Variants in ZFR2 observed in about 807,000 individuals in gnomAD.
ZFR2 encodes zinc finger RNA binding protein 2.
Under a neutral mutation model 105.7 loss-of-function variants are expected in ZFR2, and 104 were observed. The observed-to-expected ratio is 0.98, with a 90% CI of 0.84 to 1.16. ZFR2 has a LOEUF of 1.16. Among genes scored for constraint, ZFR2 ranks in the 50% most tolerant of loss-of-function variants. ZFR2 has a pLI of 0.00. For synonymous variants in ZFR2, 634 were observed against 597.7 expected, an observed-to-expected ratio of 1.06 and a Z score of -0.89; for missense variants, 1,425 against 1,355.5, an observed-to-expected ratio of 1.05 and a Z score of -0.80.
In ZFR2 at chr19:3,852,665, T is replaced by A. The variant is rs1038918899; in HGVS notation, c.53+16300A>T. ...GGAAGGGCATGGATATAAGGGTGGA[T>A]GAAGGATGAAGGCATTTTGGCAACA... On this transcript the variant is annotated intron_variant, in intron 1 of 18. Coordinates refer to ENST00000262961, the MANE Select transcript of ZFR2 (RefSeq NM_015174.2). 8.8e-6 allele frequency: 6 copies of A among 685,152 alleles called. No individual in the cohort carries two copies. In the African/African-American group the frequency reaches 1.1e-4, roughly 12 times the overall value. 42.4% of individuals were successfully genotyped at this position (685,152 alleles called of 1,614,324 possible).
At chr19:3,812,487 A>G (rs1317468727) in intron 14 of ZFR2, among the ~76,000 whole-genome samples, 1 of 152,080 alleles carries the variant, frequency 6.6e-6, no homozygotes, top group Non-Finnish European at 1.5e-5. Context: ...GGGGCGGCTC[A>G]CGGGGCTCTT....
intron 3 of ZFR2, 108 bp downstream of exon 3, chr19:3,833,556 A>C: frequency 1.1e-6 from 1 of 876,408 alleles, no homozygotes; most frequent in Non-Finnish European, 1.7e-6. Flanking sequence ...AGCCTGGGCA[A>C]CAGAGCGAGA....
chr19:3,836,660 C>T (rs929312297), intron 1 of ZFR2, among the ~76,000 whole-genome samples: 7 of 152,130 alleles, frequency 4.6e-5, no homozygotes, highest in South Asian at 2.1e-4. Context: ...TGCACAGTGC[C>T]GAGGCCTTTG....
In ZFR2 at chr19:3,834,702, G is replaced by C; in HGVS notation, c.264+71C>G. ...CTGGGAGAAGGAGTAGCTGTGGGAAGCCCACCGCTCTCACCCATGCAAGGC... is the reference window on the plus strand; with the variant it reads ...CTGGGAGAAGGAGTAGCTGTGGGAACCCCACCGCTCTCACCCATGCAAGGC... On this transcript the variant is annotated intron_variant, in intron 2 of 18. Transcript: ENST00000262961. The surrounding 1 kb of genome is among the most constrained non-coding windows in gnomAD (Gnocchi z 5.3). The C allele has an allele frequency of 6.8e-7, 1 of 1,466,846 alleles. No homozygotes were observed. Among genetic ancestry groups the C allele is most frequent in the East Asian group, 2.3e-5 (1 of 42,586 alleles). The allele number at this position is 1,466,846 out of a possible 1,614,324, so 90.9% of individuals were successfully genotyped here.
rs2037911896 is a variant in ZFR2 at position 3,823,030 on chromosome 19, G to A, written c.1371+216C>T. Among the ~76,000 whole-genome samples the A allele has an allele frequency of 6.6e-6, 1 of 152,210 alleles. No homozygotes were observed. The highest frequency in any genetic ancestry group is 6.5e-5 in the Admixed American group (1 of 15,280). On this transcript the variant is annotated intron_variant, in intron 8 of 18. Coordinates refer to ENST00000262961, the MANE Select transcript of ZFR2 (RefSeq NM_015174.2). This position sits in a 1 kb window ranked among gnomAD's most constrained non-coding sequence, Gnocchi z 5.4. ...CTCGGCCTGTCTCTGGCCCTCACGGGGCCATATTCATTTCCTGCTGATACC... is the reference window on the plus strand; with the variant it reads ...CTCGGCCTGTCTCTGGCCCTCACGGAGCCATATTCATTTCCTGCTGATACC...
At chr19:3,847,360 C>T (rs1049572805) in intron 1 of ZFR2, among the ~76,000 whole-genome samples, 11 of 151,968 alleles carry the variant, frequency 7.2e-5, no homozygotes, top group African/African-American at 2.7e-4. Context: ...CCCATCTCTA[C>T]TAAAAACACA....
chr19:3,868,988 C>G lies in ZFR2; in HGVS notation c.30G>C (p.Ala10=). Residue 10 remains alanine, a synonymous_variant, in exon 1 of 19, where the codon GCG becomes GCC. Transcript: ENST00000262961. MATSQYFDF[A]QGGGPQYSAQ... ...ACCTGTACTGCGGGCCGCCGCCCTG[C>G]GCGAAGTCGAAATACTGACTCGTCG... 7.3e-7 allele frequency: 1 copy of G among 1,377,476 alleles called. No homozygotes were observed. Among genetic ancestry groups the G allele is most frequent in the South Asian group, 1.7e-5 (1 of 57,514 alleles). The allele number at this position is 1,377,476 out of a possible 1,614,324, so 85.3% of individuals were successfully genotyped here.
chr19:3,864,407 AAC>A (rs918810920), intron 1 of ZFR2, among the ~76,000 whole-genome samples: 3 of 148,806 alleles, frequency 2.0e-5, no homozygotes, highest in East Asian at 2.0e-4. Context: ...CAAACAAACA[AAC>A]AGAGGTTCTC....
Position 3,805,272 on chromosome 19 carries a change from C to T in ZFR2, c.*677G>A, listed in dbSNP as rs1255620368. On this transcript the variant is annotated 3_prime_UTR_variant, in exon 19 of 19. Coordinates refer to ENST00000262961, the MANE Select transcript of ZFR2 (RefSeq NM_015174.2). ...ATCTGCTTGCTGTACTGCTGGCCCCCCTGGCTGTGGGGGATGGGGCCCTCG... is the reference window on the plus strand; with the variant it reads ...ATCTGCTTGCTGTACTGCTGGCCCCTCTGGCTGTGGGGGATGGGGCCCTCG... 6.6e-6 allele frequency: 1 copy of T among 152,276 alleles called. No individual in the cohort carries two copies. Among genetic ancestry groups the T allele is most frequent in the Admixed American group, 6.5e-5 (1 of 15,272 alleles). The allele number at this position is 152,276 out of a possible 1,614,324, so 9.4% of individuals were successfully genotyped here.
chr19:3,807,809 T>C (rs1272814167), intron 17 of ZFR2, among the ~76,000 whole-genome samples: 1 of 149,816 alleles, frequency 6.7e-6, no homozygotes, highest in Non-Finnish European at 1.5e-5. Flanking sequence ...TGCAAGCATG[T>C]CCACGTGTGC....
intron 1 of ZFR2, among the ~76,000 whole-genome samples, chr19:3,843,419 T>C (rs2038153855): frequency 6.6e-6 from 1 of 151,626 alleles, no homozygotes; most frequent in Non-Finnish European, 1.5e-5. Flanking sequence ...TGCAGTGAGT[T>C]GAGATCGCGC....
intron 8 of ZFR2, among the ~76,000 whole-genome samples, chr19:3,822,570 G>C (rs1302421738): frequency 6.6e-6 from 1 of 152,078 alleles, no homozygotes; most frequent in Non-Finnish European, 1.5e-5. Flanking sequence ...ACAAAAATTA[G>C]CTGGGAGTGG....
In ZFR2 at chr19:3,821,434, G is replaced by A. The variant is rs749884294; in HGVS notation, c.1537C>T (p.Arg513Trp). The change falls in exon 10 of 19, where the codon CGG (arginine) becomes TGG (tryptophan). Residue 513 changes from arginine to tryptophan, a missense_variant. By Grantham distance (101) the Arg-to-Trp change is moderately radical. Transcript: ENST00000262961. ...DLPIATEPSS[R>W]ARKVLEERMR... ...CGCTCCTCCAGGACCTTCCGAGCCC[G>A]GCTGCTGGGCTCCGTGGCAATGGGA... 3.5e-5 allele frequency: 57 copies of A among 1,609,636 alleles called. No individual in the cohort carries two copies. The highest frequency in any genetic ancestry group is 9.9e-5 in the South Asian group (9 of 90,896).
At chr19:3,835,084 G>A in intron 1 of ZFR2, 101 bp from the exon 2 acceptor site, 3 of 1,381,874 alleles carry the variant, frequency 2.2e-6, no homozygotes, top group Non-Finnish European at 3.0e-6. Context: ...GACCTGAGCT[G>A]CCCTGCTTGG....
At chr19:3,830,581 CG>C (rs1161270165) in intron 5 of ZFR2, among the ~76,000 whole-genome samples, 1 of 152,052 alleles carries the variant, frequency 6.6e-6, no homozygotes, top group Non-Finnish European at 1.5e-5. Context: ...GAGCAGGGAC[CG>C]GCCCCCCATC....
intron 1 of ZFR2, among the ~76,000 whole-genome samples, chr19:3,836,939 C>T (rs900214860): frequency 6.6e-6 from 1 of 152,160 alleles, no homozygotes; most frequent in African/African-American, 2.4e-5. Flanking sequence ...AAAAGTGAAC[C>T]TCCAACCCCA....
chr19:3,809,096 TCCCACCACC>T, intron 16 of ZFR2, 113 bp from the exon 17 acceptor site: 1 of 745,540 alleles, frequency 1.3e-6, no homozygotes, highest in Non-Finnish European at 2.0e-6. Flanking sequence ...TTTCTCTAAC[TCCCACCACC>T]CACTGAACTT....
intron 1 of ZFR2, among the ~76,000 whole-genome samples, chr19:3,862,515 C>G (rs1568435237): frequency 6.6e-6 from 1 of 152,176 alleles, no homozygotes; most frequent in African/African-American, 2.4e-5. Flanking sequence ...CCAGGCTGGT[C>G]TGGAACTCTT....
In ZFR2 at chr19:3,831,766, C is replaced by T. The variant is rs750140492; in HGVS notation, c.492G>A (p.Ser164=). The T allele has an allele frequency of 1.4e-5, 22 of 1,610,508 alleles. No homozygotes were observed. The highest frequency in any genetic ancestry group is 9.9e-5 in the South Asian group (9 of 90,748). The change falls in exon 4 of 19, where the codon TCG becomes TCA. Residue 164 remains serine (S), a synonymous_variant. Transcript: ENST00000262961. The part of the protein sequence containing the change: ...ESGQPASTLS[S]GYTYPTATGV... The stretch of plus-strand genomic sequence containing the variant: ...CTGTCGCCGTGGGGTAGGTGTATCC[C>T]GAGGACAAGGTGCTCGCTGGCTGTC...
Sources: gnomAD v4.1 joint callset for allele counts (sites outside exome capture counted in the v4.1 genomes callset) on GRCh38, gnomAD v4.1.1 for gene constraint, Gnocchi (gnomAD v3.1) non-coding constraint, MANE v1.5 for transcripts, NCBI Gene and HGNC (gene_info 2026-07-23, HGNC 2026-07-21) for gene names.